Variants in PCDHGA9 observed in about 807,000 individuals in gnomAD.
PCDHGA9 encodes protocadherin gamma subfamily A, 9.
In PCDHGA9, 37 loss-of-function variants were observed where a neutral mutation model predicts 62.5. That is an observed-to-expected ratio of 0.59 (90% CI 0.46 to 0.78). The LOEUF is 0.78. PCDHGA9 is among the 30% of genes least tolerant of loss of function. The pLI, the probability that PCDHGA9 is intolerant of heterozygous loss-of-function variation, is 0.00. For missense variants in PCDHGA9, 1,138 were observed against 1,166.2 expected (o/e 0.98, Z 0.35); for synonymous variants, 459 against 484.6 (o/e 0.95, Z 0.69).
intron 3 of PCDHGA9, among the ~76,000 whole-genome samples, chr5:141,505,720 G>A (rs1251781594): frequency 2.2e-4 from 34 of 152,212 alleles, no homozygotes; most frequent in Non-Finnish European, 2.9e-5. Context: ...GACTCATGGA[G>A]GGAATAGTGG....
chr5:141,481,676 G>T (rs975849679), intron 1 of PCDHGA9, among the ~76,000 whole-genome samples: 1 of 152,028 alleles, frequency 6.6e-6, no homozygotes, highest in Non-Finnish European at 1.5e-5. Flanking sequence ...AAATCAGGCC[G>T]GGCCTGGTGG....
At chr5:141,474,323 C>T (rs1176074252) in intron 1 of PCDHGA9, among the ~76,000 whole-genome samples, 2 of 152,186 alleles carry the variant, frequency 1.3e-5, no homozygotes, top group Non-Finnish European at 2.9e-5. Context: ...GTTTTCAAAT[C>T]ACCCTGATGT....
At position 141,423,537 on chromosome 5, in the gene PCDHGA9, T is replaced by A. The variant is rs201034039; in HGVS notation, c.2424+18161T>A. 1.4e-4 allele frequency: 225 copies of A among 1,613,694 alleles called. 2 individuals carry two copies. In the South Asian group the frequency reaches 2.3e-3, roughly 16 times the overall value. On this transcript the variant is annotated intron_variant, in intron 1 of 3. Coordinates refer to ENST00000573521, the MANE Select transcript of PCDHGA9 (RefSeq NM_018921.3). ...CGGACTCGCAGAAGAGTCACCTGAT[T>A]TTCCCCCAGCCCAACTATGGGGACA...
intron 1 of PCDHGA9, among the ~76,000 whole-genome samples, chr5:141,468,824 C>A (rs1288506117): frequency 6.6e-6 from 1 of 152,010 alleles, no homozygotes; most frequent in Non-Finnish European, 1.5e-5. Flanking sequence ...CAAGATCAAG[C>A]CACTGCACTC....
intron 1 of PCDHGA9, among the ~76,000 whole-genome samples, chr5:141,425,133 A>T (rs1311425564): frequency 6.6e-6 from 1 of 152,200 alleles, no homozygotes; most frequent in Non-Finnish European, 1.5e-5. Flanking sequence ...GTCAAGAAAA[A>T]TGTTCAGGTA....
chr5:141,458,575 G>A (rs1337776166), intron 1 of PCDHGA9, among the ~76,000 whole-genome samples: 1 of 151,346 alleles, frequency 6.6e-6, no homozygotes, highest in Non-Finnish European at 1.5e-5. Context: ...GTTTTTGTTT[G>A]TTTGTTTGTT....
intron 1 of PCDHGA9, chr5:141,422,174 A>G (rs763681065): frequency 5.1e-6 from 8 of 1,564,176 alleles, no homozygotes; most frequent in African/African-American, 2.8e-5. Flanking sequence ...TATAGATTCT[A>G]TGAGATGGAA....
Position 141,432,647 on chromosome 5 carries a change from C to G in PCDHGA9, c.2424+27271C>G, listed in dbSNP as rs747789886. The G allele has an allele frequency of 1.7e-5, 28 of 1,613,678 alleles. No individual in the cohort carries two copies. In the Admixed American group the frequency reaches 4.5e-4, roughly 26 times the overall value. ...GCACACGGGCGAGGTGCGCACGGCG[C>G]GAGCCCTGCTGGACAGAGACGCGCT... On this transcript the variant is annotated intron_variant, in intron 1 of 3. Coordinates refer to ENST00000573521, the MANE Select transcript of PCDHGA9 (RefSeq NM_018921.3). This position sits in a 1 kb window ranked among gnomAD's most constrained non-coding sequence, Gnocchi z 6.0.
Position 141,455,633 on chromosome 5 carries a change from G to A in PCDHGA9, c.2425-39174G>A, listed in dbSNP as rs1049071525. On this transcript the variant is annotated intron_variant, in intron 1 of 3. Coordinates refer to ENST00000573521, the MANE Select transcript of PCDHGA9 (RefSeq NM_018921.3). ...ATGTTCTAAACACGTGGAGATATGT[G>A]GGGGGCAGCCATGTGGCCAGGAACT... Among the ~76,000 whole-genome samples, 19 of 152,198 alleles carry A rather than the reference G, an allele frequency of 1.2e-4. No homozygotes were observed. In the East Asian group the frequency reaches 3.1e-3, roughly 25 times the overall value.
intron 1 of PCDHGA9, among the ~76,000 whole-genome samples, chr5:141,439,459 A>ACTG (rs1234039449): frequency 6.6e-6 from 1 of 152,222 alleles, no homozygotes; most frequent in Non-Finnish European, 1.5e-5. Flanking sequence ...GCAAGACTGC[A>ACTG]CTGCTGCCTT....
intron 1 of PCDHGA9, chr5:141,417,766 C>G: frequency 6.9e-7 from 1 of 1,442,472 alleles, no homozygotes; most frequent in Non-Finnish European, 9.1e-7. Flanking sequence ...AGACCCGGGA[C>G]TCCTCCTGTC....
chr5:141,491,434 A>G lies in PCDHGA9; in HGVS notation c.2425-3373A>G, dbSNP rs1362196179. The G allele has an allele frequency of 6.2e-7, 1 of 1,614,032 alleles. No individual in the cohort carries two copies. ...GGACGGGGGTGGAGGGCAGTGCTGC[A>G]GGCGCCAGGACTCACCCTCCCCGGA... On this transcript the variant is annotated intron_variant, in intron 1 of 3. Coordinates refer to ENST00000573521, the MANE Select transcript of PCDHGA9 (RefSeq NM_018921.3). The surrounding 1 kb of genome is among the most constrained non-coding windows in gnomAD (Gnocchi z 6.9).
Position 141,469,939 on chromosome 5 carries a change from T to G in PCDHGA9, c.2425-24868T>G, listed in dbSNP as rs1376169822. Among the ~76,000 whole-genome samples, 3 of 152,186 alleles carry G rather than the reference T, an allele frequency of 2.0e-5. No individual in the cohort carries two copies. The East Asian group carries it at 5.8e-4, about 29-fold the overall frequency. On this transcript the variant is annotated intron_variant, in intron 1 of 3. Transcript: ENST00000573521. ...CGAGGTCAGGAGTTTGAGACCAGCC[T>G]GGCCAGCATGGTGAAACCCCATCTG...
Position 141,486,316 on chromosome 5 carries a change from A to G in PCDHGA9, c.2425-8491A>G, listed in dbSNP as rs1251956899. The G allele has an allele frequency of 6.2e-7, 1 of 1,614,066 alleles. No individual in the cohort carries two copies. On this transcript the variant is annotated intron_variant, in intron 1 of 3. Transcript: ENST00000573521. This position sits in a 1 kb window ranked among gnomAD's most constrained non-coding sequence, Gnocchi z 5.0. ...GTGTGCAGGATCCAGACTCAGGGTC[A>G]AACGGAGATGTGAGCCTCCGCATTC...
chr5:141,487,491 C>A lies in PCDHGA9; in HGVS notation c.2425-7316C>A. On this transcript the variant is annotated intron_variant, in intron 1 of 3. Transcript: ENST00000573521. This position sits in a 1 kb window ranked among gnomAD's most constrained non-coding sequence, Gnocchi z 5.0. The stretch of plus-strand genomic sequence containing the variant: ...GTGGGAGGCCACTCTCATGGCTGTA[C>A]ACCCTTGGCTTCTGCACCCACTCGG... The A allele has an allele frequency of 6.2e-7, 1 of 1,614,204 alleles. No individual in the cohort carries two copies. The highest frequency in any genetic ancestry group is 8.5e-7 in the Non-Finnish European group (1 of 1,180,034).
rs1264130543 is a variant in PCDHGA9 at position 141,485,467 on chromosome 5, C to T, written c.2425-9340C>T. 2 of 1,614,112 alleles carry T rather than the reference C, an allele frequency of 1.2e-6. No homozygotes were observed. The highest frequency in any genetic ancestry group is 1.7e-6 in the Non-Finnish European group (2 of 1,180,024). On this transcript the variant is annotated intron_variant, in intron 1 of 3. Transcript: ENST00000573521. The surrounding 1 kb of genome is among the most constrained non-coding windows in gnomAD (Gnocchi z 5.7). ...TCGACCGAGAGGCACTGTGTGGGCT[C>T]AGTGCCAGCTGCATCGTGCCCCTGG... is the stretch of plus-strand genomic sequence containing the variant.
rs1031210052 is a variant in PCDHGA9, at chr5:141,403,358, G to C, written c.406G>C (p.Glu136Gln). 1.9e-6 allele frequency: 3 copies of C among 1,614,026 alleles called. No individual in the cohort carries two copies. Among genetic ancestry groups the C allele is most frequent in the Non-Finnish European group, 2.5e-6 (3 of 1,179,896 alleles). The change falls in exon 1 of 4, where the codon GAA becomes CAA. Residue 136 changes from glutamate to glutamine, a missense_variant. By Grantham distance (29) the Glu-to-Gln change is conservative. Transcript: ENST00000573521. Reference protein sequence around the residue: ...INDSAPKFQAESLEVKINEIA... With the variant: ...INDSAPKFQAQSLEVKINEIA... ...CGACAGCGCCCCAAAGTTCCAGGCC[G>C]AAAGTCTGGAAGTAAAAATTAACGA...
intron 1 of PCDHGA9, among the ~76,000 whole-genome samples, chr5:141,436,742 G>A (rs568532036): frequency 3.9e-4 from 59 of 152,304 alleles, no homozygotes; most frequent in Non-Finnish European, 7.1e-4. Flanking sequence ...ATTTTTGTGT[G>A]CTTCTCCATA....
intron 1 of PCDHGA9, chr5:141,426,320 G>A (rs2096927622): frequency 1.1e-5 from 2 of 175,034 alleles, no homozygotes; most frequent in South Asian, 1.3e-4. Context: ...AGCAGGACCC[G>A]GCAGTGGCAA....
Sources: allele counts gnomAD v4.1 joint callset (sites outside exome capture counted in the v4.1 genomes callset), GRCh38; gene constraint gnomAD v4.1.1; non-coding constraint Gnocchi (gnomAD v3.1); transcripts MANE v1.5; gene names NCBI Gene and HGNC (gene_info 2026-07-23, HGNC 2026-07-21).